The following WNK1 variants were observed in gnomAD, a reference collection of about 807,000 sequenced individuals.
WNK1 encodes the protein serine/threonine-protein kinase WNK1.
In WNK1, 38 loss-of-function variants were observed where a neutral mutation model predicts 222.8. The observed-to-expected ratio is 0.17, with a 90% CI of 0.13 to 0.22. The LOEUF is 0.22. Among genes scored for constraint, WNK1 ranks in the 10% least tolerant of loss-of-function variants. The pLI is 1.00. For missense variants in WNK1, 2,348 were observed against 2,918.4 expected (o/e 0.80, Z 4.50); for synonymous variants, 1,090 against 1,092.9 (o/e 1.00, Z 0.05).
At chr12:898,286 C>T (rs1954917610) in intron 25 of WNK1, among the ~76,000 whole-genome samples, 1 of 151,916 alleles carries the variant, frequency 6.6e-6, no homozygotes, top group African/African-American at 2.4e-5. Flanking sequence ...AGATCAAGAC[C>T]ATCCTGACTA....
chr12:814,015 T>C (rs1229277662), intron 2 of WNK1, among the ~76,000 whole-genome samples: 1 of 152,184 alleles, frequency 6.6e-6, no homozygotes, highest in African/African-American at 2.4e-5. Flanking sequence ...TTGGTAAGTA[T>C]TGAAATGAGA....
chr12:855,863 T>G (rs1308694208), intron 4 of WNK1, among the ~76,000 whole-genome samples: 1 of 152,064 alleles, frequency 6.6e-6, no homozygotes, highest in African/African-American at 2.4e-5. Flanking sequence ...TTTTTAAAGA[T>G]GGAGTCTTGC....
chr12:821,829 T>C (rs567835505), intron 2 of WNK1, among the ~76,000 whole-genome samples: 31 of 152,300 alleles, frequency 2.0e-4, no homozygotes, highest in Admixed American at 1.6e-3. Flanking sequence ...TTGCCTGATA[T>C]TAGTTTTGCT....
intron 4 of WNK1, among the ~76,000 whole-genome samples, chr12:855,301 A>C (rs1228670657): frequency 1.3e-5 from 2 of 152,222 alleles, no homozygotes; most frequent in African/African-American, 4.8e-5. Context: ...GAAGCTTTTA[A>C]ATACATGAAT....
At chr12:901,725 T>C in intron 26 of WNK1, 1 of 877,410 alleles carries the variant, frequency 1.1e-6, no homozygotes. Flanking sequence ...ACGCAGTCCA[T>C]TTTCATTTGT....
chr12:828,808 C>T (rs1262963673), intron 3 of WNK1, among the ~76,000 whole-genome samples: 1 of 152,168 alleles, frequency 6.6e-6, no homozygotes, highest in Non-Finnish European at 1.5e-5. Context: ...TCTTCATAAA[C>T]ATTCTATTTA....
chr12:794,804 T>G (rs1018352694), intron 1 of WNK1, among the ~76,000 whole-genome samples: 1 of 152,208 alleles, frequency 6.6e-6, no homozygotes, highest in Non-Finnish European at 1.5e-5. Flanking sequence ...TTGGCTGGAG[T>G]GCAGAGGCAC....
intron 2 of WNK1, among the ~76,000 whole-genome samples, chr12:814,422 TTTTTTCA>T (rs1947171558): frequency 6.6e-6 from 1 of 152,206 alleles, no homozygotes; most frequent in Admixed American, 6.5e-5. Context: ...AACTACCTAT[TTTTTTCA>T]TTTGTATTGT....
intron 20 of WNK1, among the ~76,000 whole-genome samples, chr12:888,719 C>G (rs1012957966): frequency 9.9e-5 from 15 of 152,118 alleles, no homozygotes; most frequent in African/African-American, 3.6e-4. Context: ...ATCTTTTATT[C>G]ATAGGGGCAC....
At chr12:855,122 T>G (rs2154059037) in intron 4 of WNK1, among the ~76,000 whole-genome samples, 1 of 152,326 alleles carries the variant, frequency 6.6e-6, no homozygotes, top group East Asian at 1.9e-4. Context: ...AGTCTTAAGT[T>G]TGAAATACCA....
At position 862,168 on chromosome 12, in the gene WNK1, C is replaced by T; in HGVS notation, c.2037C>T (p.Ser679=). 6.2e-7 allele frequency: 1 copy of T among 1,614,046 alleles called. No individual in the cohort carries two copies. Among genetic ancestry groups the T allele is most frequent in the East Asian group, 2.2e-5 (1 of 44,882 alleles). The change falls in exon 8 of 28, where the codon TCC becomes TCT. Residue 679 remains serine, a synonymous_variant. Transcript: ENST00000315939. ...VSSQQTVSYG[S]QHEQAHSTGT... is the part of the protein sequence containing the mutation. ...GCCAACAGACAGTTTCATATGGTTC[C>T]CAACATGAACAGGCACATTCTACAG...
chr12:761,220 AG>A (rs1940981943), intron 1 of WNK1, among the ~76,000 whole-genome samples: 1 of 147,978 alleles, frequency 6.8e-6, no homozygotes, highest in South Asian at 2.2e-4. Flanking sequence ...TAGATTTTTC[AG>A]GTGGGGTTTC....
intron 26 of WNK1, chr12:900,876 T>G: frequency 1.5e-6 from 1 of 667,492 alleles, no homozygotes; most frequent in East Asian, 2.8e-5. Flanking sequence ...ATTACTTTTT[T>G]TCAAGGAATT....
intron 1 of WNK1, among the ~76,000 whole-genome samples, chr12:813,111 G>A (rs1281417813): frequency 2.0e-5 from 3 of 152,194 alleles, no homozygotes; most frequent in African/African-American, 7.2e-5. Context: ...GCACATGCCT[G>A]TAGTCCTAGC....
intron 1 of WNK1, among the ~76,000 whole-genome samples, chr12:806,644 G>C (rs1044690399): frequency 2.0e-5 from 3 of 152,148 alleles, no homozygotes; most frequent in Admixed American, 2.0e-4. Flanking sequence ...TTATTAGTTT[G>C]TGACCATGGA....
At position 878,913 on chromosome 12, in the gene WNK1, T is replaced by G. The variant is rs72649889; in HGVS notation, c.2373+552T>G. Among the ~76,000 whole-genome samples the G allele has an allele frequency of 1.5e-3, 232 of 152,208 alleles. 1 individual carries two copies. Among genetic ancestry groups the G allele is most frequent in the African/African-American group, 5.2e-3 (215 of 41,562 alleles). On this transcript the variant is annotated intron_variant, in intron 10 of 27. Coordinates refer to ENST00000315939, the MANE Select transcript of WNK1 (RefSeq NM_018979.4). ...TGCATGTATGTGCACAGTGTATTGTTACCCTAATATTTCATCACATCTGAG... is the reference window on the plus strand; with the variant it reads ...TGCATGTATGTGCACAGTGTATTGTGACCCTAATATTTCATCACATCTGAG...
chr12:831,626 A>G (rs1948802076), intron 4 of WNK1, among the ~76,000 whole-genome samples: 1 of 152,102 alleles, frequency 6.6e-6, no homozygotes, highest in Non-Finnish European at 1.5e-5. Context: ...CTTATCACTA[A>G]ATTTTTCTTG....
At position 850,996 on chromosome 12, in the gene WNK1, A is replaced by T. The variant is rs555176143; in HGVS notation, c.1312-6165A>T. On this transcript the variant is annotated intron_variant, in intron 4 of 27. Coordinates refer to ENST00000315939, the MANE Select transcript of WNK1 (RefSeq NM_018979.4). ...CCTTGTAGTAATACTGTTGATTTTT[A>T]AAAAATGTTCTGTGAAAGAGTAGTA... Among the ~76,000 whole-genome samples, 5 of 152,158 alleles carry T rather than the reference A, an allele frequency of 3.3e-5. No individual in the cohort carries two copies. The South Asian group carries it at 8.3e-4, about 25-fold the overall frequency.
At chr12:820,750 A>G (rs1947796832) in intron 2 of WNK1, among the ~76,000 whole-genome samples, 1 of 152,160 alleles carries the variant, frequency 6.6e-6, no homozygotes. Context: ...TGCTGAGATT[A>G]CAGGTGTGTG....
Sources: gnomAD v4.1 joint callset for allele counts (sites outside exome capture counted in the v4.1 genomes callset) on GRCh38, gnomAD v4.1.1 for gene constraint, MANE v1.5 for transcripts, NCBI Gene and HGNC (gene_info 2026-07-23, HGNC 2026-07-21) for gene names.